The following GPC6 variants were observed in gnomAD, a reference collection of about 807,000 sequenced individuals.
GPC6 encodes glypican 6.
Under a neutral mutation model 55.2 loss-of-function variants are expected in GPC6, and 14 were observed. The ratio of observed to expected loss-of-function variants is 0.25; its 90% confidence interval spans 0.17 to 0.40. GPC6 has a LOEUF of 0.40. Ranked by LOEUF, GPC6 falls within the 10% of genes least tolerant of loss-of-function variation. The pLI is 1.00. For synonymous variants in GPC6, 278 were observed against 259.6 expected (o/e 1.07, Z -0.68); for missense variants, 641 against 708.5 (o/e 0.90, Z 1.08).
chr13:93,680,636 A>G (rs943714794), intron 2 of GPC6, among the ~76,000 whole-genome samples: 2 of 152,130 alleles, frequency 1.3e-5, no homozygotes, highest in African/African-American at 4.8e-5. Flanking sequence ...AAAGCAATGC[A>G]TGACAGATGA....
At chr13:94,207,777 A>T (rs1375029802) in intron 4 of GPC6, among the ~76,000 whole-genome samples, 11 of 152,156 alleles carry the variant, frequency 7.2e-5, no homozygotes, top group Non-Finnish European at 1.5e-4. Flanking sequence ...TTCCCTGCTG[A>T]CCAATTACAT....
chr13:94,170,771 T>G (rs1167180119), intron 4 of GPC6, among the ~76,000 whole-genome samples: 1 of 152,214 alleles, frequency 6.6e-6, no homozygotes, highest in Non-Finnish European at 1.5e-5. Context: ...TGAATTTGCT[T>G]AGGTAGATTG....
chr13:93,866,830 A>G (rs950727715), intron 3 of GPC6, among the ~76,000 whole-genome samples: 1 of 151,734 alleles, frequency 6.6e-6, no homozygotes, highest in Non-Finnish European at 1.5e-5. Flanking sequence ...ACGTATGTTT[A>G]CTATGTAACA....
intron 2 of GPC6, among the ~76,000 whole-genome samples, chr13:93,767,953 G>C (rs1299012150): frequency 3.3e-5 from 5 of 151,806 alleles, no homozygotes; most frequent in Non-Finnish European, 7.4e-5. Context: ...GGTTTCTTAA[G>C]CTATTGAGTT....
chr13:94,304,676 C>A (rs1875848272), intron 5 of GPC6, among the ~76,000 whole-genome samples: 1 of 152,190 alleles, frequency 6.6e-6, no homozygotes, highest in African/African-American at 2.4e-5. Flanking sequence ...TCTCGATAAC[C>A]AGCACAGAGT....
At chr13:94,143,651 G>A (rs1050079010) in intron 4 of GPC6, among the ~76,000 whole-genome samples, 4 of 152,122 alleles carry the variant, frequency 2.6e-5, no homozygotes, top group Non-Finnish European at 5.9e-5. Context: ...CACTTTGGAG[G>A]CCAAGGTGGG....
At chr13:94,059,409 C>T (rs1291129696) in intron 4 of GPC6, among the ~76,000 whole-genome samples, 2 of 152,050 alleles carry the variant, frequency 1.3e-5, no homozygotes, top group Non-Finnish European at 2.9e-5. Flanking sequence ...TGCAGCCCCT[C>T]ATCCTTGTCT....
rs560268657 is a variant in GPC6, at chr13:93,780,161, G to A, written c.320-49993G>A. On this transcript the variant is annotated intron_variant, in intron 2 of 8. Coordinates refer to ENST00000377047, the MANE Select transcript of GPC6 (RefSeq NM_005708.5). ...GAAAACAAATATGGATTCAAGACCC[G>A]ACAATTTAAAAAAAGCATTTTTTTC... Among the ~76,000 whole-genome samples, 9 of 151,702 alleles carry A rather than the reference G, an allele frequency of 5.9e-5. No homozygotes were observed. In the South Asian group the frequency reaches 1.5e-3, roughly 25 times the overall value.
At chr13:94,035,222 T>G (rs1196481683) in intron 4 of GPC6, among the ~76,000 whole-genome samples, 1 of 152,112 alleles carries the variant, frequency 6.6e-6, no homozygotes, top group Non-Finnish European at 1.5e-5. Context: ...TTCACTGTCA[T>G]GTTTTCAAGT....
intron 4 of GPC6, among the ~76,000 whole-genome samples, chr13:94,041,052 A>T (rs1305452309): frequency 2.6e-5 from 4 of 151,910 alleles, no homozygotes; most frequent in Non-Finnish European, 5.9e-5. Flanking sequence ...ATCACTAGAC[A>T]TCAGATTGCT....
intron 2 of GPC6, among the ~76,000 whole-genome samples, chr13:93,770,858 C>T (rs1274187806): frequency 6.6e-6 from 1 of 152,092 alleles, no homozygotes; most frequent in Non-Finnish European, 1.5e-5. Flanking sequence ...AATAAGGTTA[C>T]AGACTTATTT....
At chr13:94,025,964 G>T (rs1305216121) in intron 3 of GPC6, among the ~76,000 whole-genome samples, 1 of 152,184 alleles carries the variant, frequency 6.6e-6, no homozygotes, top group African/African-American at 2.4e-5. Flanking sequence ...CATGAAAAAT[G>T]AGGTAGGTTA....
At chr13:93,305,889 T>G (rs1878840173) in intron 1 of GPC6, among the ~76,000 whole-genome samples, 2 of 152,206 alleles carry the variant, frequency 1.3e-5, no homozygotes, top group South Asian at 4.1e-4. Flanking sequence ...CAATCAACTT[T>G]TTGCCTCCCA....
rs60726331 is a variant in GPC6 at position 93,804,458 on chromosome 13, G to A, written c.320-25696G>A. Among the ~76,000 whole-genome samples the A allele has an allele frequency of 8.5e-3, 1,299 of 152,198 alleles. 20 individuals are homozygous for A. Among genetic ancestry groups the A allele is most frequent in the African/African-American group, 0.029 (1,186 of 41,514 alleles). On this transcript the variant is annotated intron_variant, in intron 2 of 8. Coordinates refer to ENST00000377047, the MANE Select transcript of GPC6 (RefSeq NM_005708.5). Reference sequence around the variant, plus strand: ...CATTTCAAGATCCAGACAAGTTTGCGTACTTCTCACCTGTCGGTTCCAAAT... The same window carrying A: ...CATTTCAAGATCCAGACAAGTTTGCATACTTCTCACCTGTCGGTTCCAAAT...
intron 2 of GPC6, among the ~76,000 whole-genome samples, chr13:93,615,002 T>G (rs190046741): frequency 6.6e-6 from 1 of 152,266 alleles, no homozygotes; most frequent in Admixed American, 6.5e-5. Context: ...TGGGTATGAA[T>G]AAGGTCCTGG....
At chr13:93,692,636 G>T (rs1308024342) in intron 2 of GPC6, among the ~76,000 whole-genome samples, 1 of 151,836 alleles carries the variant, frequency 6.6e-6, no homozygotes, top group Non-Finnish European at 1.5e-5. Context: ...TTAAATTTTA[G>T]TACTTATTTT....
At chr13:94,153,404 G>A (rs1257415747) in intron 4 of GPC6, among the ~76,000 whole-genome samples, 4 of 152,114 alleles carry the variant, frequency 2.6e-5, no homozygotes, top group Non-Finnish European at 5.9e-5. Flanking sequence ...AACTTGGAGG[G>A]AATCTTGTAG....
At chr13:93,753,329 CTG>C (rs997229418) in intron 2 of GPC6, among the ~76,000 whole-genome samples, 1 of 152,124 alleles carries the variant, frequency 6.6e-6, no homozygotes, top group African/African-American at 2.4e-5. Flanking sequence ...GTATGTATGT[CTG>C]TGTGTGTGTT....
At chr13:93,377,466 G>C (rs948925297) in intron 1 of GPC6, among the ~76,000 whole-genome samples, 1 of 152,188 alleles carries the variant, frequency 6.6e-6, no homozygotes, top group African/African-American at 2.4e-5. Flanking sequence ...GAGCCCTAGA[G>C]GGATTTGTTG....
Sources: allele counts gnomAD v4.1 joint callset (sites outside exome capture counted in the v4.1 genomes callset), GRCh38; gene constraint gnomAD v4.1.1; transcripts MANE v1.5; gene names NCBI Gene and HGNC (gene_info 2026-07-23, HGNC 2026-07-21).